Variants in VPS33B observed in about 807,000 individuals in gnomAD.
VPS33B encodes vacuolar protein sorting-associated protein 33B.
VPS33B carries 80 observed loss-of-function variants against 95.3 expected under a neutral mutation model. The ratio of observed to expected loss-of-function variants is 0.84; its 90% CI spans 0.70 to 1.01. VPS33B has a LOEUF of 1.01. Ranked by LOEUF, VPS33B falls within the 50% of genes least tolerant of loss-of-function variation. VPS33B has a pLI of 0.00. For missense variants in VPS33B, 715 were observed against 773.4 expected (o/e 0.92, Z 0.90); for synonymous variants, 280 against 280.4 (o/e 1.00, Z 0.01).
intron 1 of VPS33B, among the ~76,000 whole-genome samples, chr15:91,021,401 C>T (rs1028047733): frequency 3.3e-5 from 5 of 152,108 alleles, no homozygotes; most frequent in African/African-American, 4.8e-5. Flanking sequence ...TTTCTTTCAC[C>T]ATAACTTAAA....
intron 1 of VPS33B, among the ~76,000 whole-genome samples, chr15:91,019,812 T>G (rs1025232517): frequency 1.3e-5 from 2 of 151,568 alleles, no homozygotes; most frequent in Non-Finnish European, 2.9e-5. Context: ...TAATATAATT[T>G]TTTTTTTTTT....
Position 91,022,401 on chromosome 15 carries a change from C to T in VPS33B, c.-152G>A, listed in dbSNP as rs575715228. 7 of 691,842 alleles carry T rather than the reference C, an allele frequency of 1.0e-5. No individual in the cohort carries two copies. Among genetic ancestry groups the T allele is most frequent in the East Asian group, 8.4e-5 (3 of 35,786 alleles). 42.9% of individuals were successfully genotyped at this position (691,842 alleles called of 1,614,324 possible). A position where few individuals can be genotyped will look rare whatever the true frequency, so the allele number is the denominator to read the frequency against. On this transcript the variant is annotated 5_prime_UTR_variant, in exon 1 of 23. Coordinates refer to ENST00000333371, the MANE Select transcript of VPS33B (RefSeq NM_018668.5). ...GGGCCCTCGCTCCTCAGCAGCACTC[C>T]AGGAATGAATGGCCACCTCCAGGCA...
intron 19 of VPS33B, 70 bp downstream of exon 19, chr15:91,001,319 A>G (rs2151664272): frequency 7.8e-7 from 1 of 1,274,368 alleles, no homozygotes; most frequent in Non-Finnish European, 1.1e-6. Flanking sequence ...CAAAAAAAAA[A>G]AAAAAAAAGA....
Position 91,006,959 on chromosome 15 carries a change from A to G in VPS33B, c.691T>C (p.Leu231=), listed in dbSNP as rs1201892902. 2 of 1,614,050 alleles carry G rather than the reference A, an allele frequency of 1.2e-6. No homozygotes were observed. Among genetic ancestry groups the G allele is most frequent in the Non-Finnish European group, 1.7e-6 (2 of 1,180,046 alleles). Residue 231 remains leucine, a synonymous_variant, in exon 9 of 23, where the codon TTG becomes CTG. Transcript: ENST00000333371. The surrounding 1 kb of genome is among the most constrained non-coding windows in gnomAD (Gnocchi z 5.4). The part of the protein sequence containing the change: ...RRPEIGHIFL[L]DRDVDFVTAL... ...GCTGGGCATAATTTACCTCTGTCCA[A>G]GAGAAAGATATGTCCAATCTCTGGC...
Position 91,005,002 on chromosome 15 carries a change from C to T in VPS33B, c.1170+53G>A, listed in dbSNP as rs544077315. ...GTGTTCTTTTCCTTCTGCTTAAGGC[C>T]GACCCCACCTCTAAATGCCATTCTT... On this transcript the variant is annotated intron_variant, in intron 15 of 22. Transcript: ENST00000333371. The surrounding 1 kb of genome is among the most constrained non-coding windows in gnomAD (Gnocchi z 6.4). The T allele has an allele frequency of 1.6e-5, 26 of 1,614,148 alleles. No individual in the cohort carries two copies. Among genetic ancestry groups the T allele is most frequent in the East Asian group, 8.9e-5 (4 of 44,876 alleles).
chr15:91,009,860 G>A lies in VPS33B; in HGVS notation c.358-14C>T, dbSNP rs200844662. 1.9e-6 allele frequency: 3 copies of A among 1,614,046 alleles called. No individual in the cohort carries two copies. The highest frequency in any genetic ancestry group is 2.5e-6 in the Non-Finnish European group (3 of 1,179,944). ...ACACGCATAGAACTGAAAGAGAAAA[G>A]GAAATTGATTAGTAACTACCTTCTT... On this transcript the variant is annotated splice_polypyrimidine_tract_variant and intron_variant, in intron 5 of 22. Coordinates refer to ENST00000333371, the MANE Select transcript of VPS33B (RefSeq NM_018668.5). The surrounding 1 kb of genome is among the most constrained non-coding windows in gnomAD (Gnocchi z 4.1).
At chr15:91,020,146 T>C (rs1364955853) in intron 1 of VPS33B, among the ~76,000 whole-genome samples, 1 of 152,148 alleles carries the variant, frequency 6.6e-6, no homozygotes, top group Non-Finnish European at 1.5e-5. Context: ...ACAGTGTTAG[T>C]AGTGTTTATA....
In VPS33B at chr15:91,009,330, G is replaced by A. The variant is rs960107243; in HGVS notation, c.403+471C>T. The stretch of plus-strand genomic sequence containing the variant: ...TCTTTCTTCCTTCCTTCCTTTCTCT[G>A]AGTCTCACTCTTGTTGCCCAGGCTG... On this transcript the variant is annotated intron_variant, in intron 6 of 22. Transcript: ENST00000333371. This position sits in a 1 kb window ranked among gnomAD's most constrained non-coding sequence, Gnocchi z 4.1. Among the ~76,000 whole-genome samples the A allele has an allele frequency of 2.7e-5, 4 of 147,404 alleles. No homozygotes were observed. The highest frequency in any genetic ancestry group is 1.0e-4 in the African/African-American group (4 of 39,460).
In VPS33B at chr15:91,015,308, C is replaced by T. The variant is rs144718609; in HGVS notation, c.240-875G>A. Among the ~76,000 whole-genome samples, 544 of 151,846 alleles carry T rather than the reference C, an allele frequency of 3.6e-3. 2 individuals are homozygous for T. Among genetic ancestry groups the T allele is most frequent in the African/African-American group, 0.013 (518 of 41,358 alleles). On this transcript the variant is annotated intron_variant, in intron 3 of 22. Coordinates refer to ENST00000333371, the MANE Select transcript of VPS33B (RefSeq NM_018668.5). This position sits in a 1 kb window ranked among gnomAD's most constrained non-coding sequence, Gnocchi z 4.7. ...CCCAGATCGCGCCATTGCTCTCCAG[C>T]CTGGATGACAAGAGCTAAACTCCGT...
rs2040605928 is a variant in VPS33B at position 91,006,418 on chromosome 15, G to A, written c.806C>T (p.Thr269Ile). Residue 269 changes from threonine to isoleucine, a missense_variant, in exon 11 of 23, where the codon ACA (threonine) becomes ATA (isoleucine). Thr to Ile is a moderately conservative substitution (Grantham distance 89, BLOSUM62 -1). Coordinates refer to ENST00000333371, the MANE Select transcript of VPS33B (RefSeq NM_018668.5). This position sits in a 1 kb window ranked among gnomAD's most constrained non-coding sequence, Gnocchi z 5.4. The part of the protein sequence containing the change: ...CGSVDFGPEV[T>I]SSDKSLKVLL... ...CACCTTCAGGCTCTTGTCAGAGGAT[G>A]TGACTTCTGGGCCAAAGTCGACACT... 2 of 1,614,110 alleles carry A rather than the reference G, an allele frequency of 1.2e-6. No homozygotes were observed. The highest frequency in any genetic ancestry group is 2.7e-5 in the African/African-American group (2 of 74,936).
intron 16 of VPS33B, among the ~76,000 whole-genome samples, chr15:91,004,238 A>G (rs947741604): frequency 2.0e-5 from 3 of 147,124 alleles, no homozygotes; most frequent in African/African-American, 7.9e-5. Context: ...AAAAAAAAAG[A>G]AGAAAAAGAA....
Position 90,999,467 on chromosome 15 carries a change from G to T in VPS33B, c.1774+210C>A. ...CCGAGTAGTTAGCATTACAGGCACC[G>T]GCCACCATGCCTGGCTAATTTTTGT... On this transcript the variant is annotated intron_variant, in intron 22 of 22. Coordinates refer to ENST00000333371, the MANE Select transcript of VPS33B (RefSeq NM_018668.5). This position sits in a 1 kb window ranked among gnomAD's most constrained non-coding sequence, Gnocchi z 5.1. 1.6e-6 allele frequency: 1 copy of T among 624,102 alleles called. No homozygotes were observed. Among genetic ancestry groups the T allele is most frequent in the Admixed American group, 2.2e-5 (1 of 46,290 alleles). The allele number at this position is 624,102 out of a possible 1,614,324, so 38.7% of individuals were successfully genotyped here.
rs373355843 is a variant in VPS33B at position 91,004,825 on chromosome 15, T to C, written c.1225+52A>G. On this transcript the variant is annotated intron_variant, in intron 16 of 22. Coordinates refer to ENST00000333371, the MANE Select transcript of VPS33B (RefSeq NM_018668.5). ...CTTTCAAAATCACTTCTTCTGTCCC[T>C]AAGGCATAGTTTCTCAATCTGACAT... The C allele has an allele frequency of 2.5e-4, 407 of 1,603,088 alleles. 1 individual carries two copies. Among genetic ancestry groups the C allele is most frequent in the Non-Finnish European group, 3.3e-4 (384 of 1,170,188 alleles).
chr15:91,003,843 A>C (rs1462925391), intron 16 of VPS33B, among the ~76,000 whole-genome samples: 2 of 152,244 alleles, frequency 1.3e-5, no homozygotes, highest in Non-Finnish European at 2.9e-5. Context: ...GCACGGTCTT[A>C]TATGTTTTTC....
In VPS33B at chr15:91,009,718, G is replaced by C. The variant is rs1218715707; in HGVS notation, c.403+83C>G. 17 of 1,407,014 alleles carry C rather than the reference G, an allele frequency of 1.2e-5. No individual in the cohort carries two copies. In the Admixed American group the frequency reaches 3.2e-4, roughly 26 times the overall value. The allele number at this position is 1,407,014 out of a possible 1,614,324, so 87.2% of individuals were successfully genotyped here. A position where few individuals can be genotyped will look rare whatever the true frequency, so the allele number is the denominator to read the frequency against. ...AAAAGAAGGAGCTGGTGGTGGGGGT[G>C]GGGTGGGGGGGTTGGAGAACAACAA... is the stretch of plus-strand genomic sequence containing the variant. On this transcript the variant is annotated intron_variant, in intron 6 of 22. Transcript: ENST00000333371. This position sits in a 1 kb window ranked among gnomAD's most constrained non-coding sequence, Gnocchi z 4.1.
In VPS33B at chr15:91,010,965, G is replaced by A. The variant is rs2040762688; in HGVS notation, c.358-1119C>T. Among the ~76,000 whole-genome samples the A allele has an allele frequency of 1.3e-5, 2 of 152,198 alleles. No individual in the cohort carries two copies. The highest frequency in any genetic ancestry group is 4.1e-4 in the South Asian group (2 of 4,834). On this transcript the variant is annotated intron_variant, in intron 5 of 22. Transcript: ENST00000333371. This position sits in a 1 kb window ranked among gnomAD's most constrained non-coding sequence, Gnocchi z 5.7. ...ATAGAACATTCTTCACAGAAGCCTG[G>A]CCCTGAAAGAAGGGGGAGCTCTGAA...
Position 91,010,812 on chromosome 15 carries a change from C to T in VPS33B, c.358-966G>A, listed in dbSNP as rs1217275001. Among the ~76,000 whole-genome samples the T allele has an allele frequency of 6.6e-6, 1 of 152,120 alleles. No individual in the cohort carries two copies. Among genetic ancestry groups the T allele is most frequent in the Non-Finnish European group, 1.5e-5 (1 of 68,018 alleles). On this transcript the variant is annotated intron_variant, in intron 5 of 22. Coordinates refer to ENST00000333371, the MANE Select transcript of VPS33B (RefSeq NM_018668.5). This position sits in a 1 kb window ranked among gnomAD's most constrained non-coding sequence, Gnocchi z 5.7. ...GAGAGTTGCAAGGAAGGGTGGGCAACAGTGTCAAATGCCAGGGAAGTTAAG... is the reference window on the plus strand; with the variant it reads ...GAGAGTTGCAAGGAAGGGTGGGCAATAGTGTCAAATGCCAGGGAAGTTAAG...
Position 91,007,188 on chromosome 15 carries a change from T to C in VPS33B, c.604-142A>G. ...TTATTCACAATATGGCCCTATCTAC[T>C]CCCGTCTGTGTCTATCTTTCCCCAA... On this transcript the variant is annotated intron_variant, in intron 8 of 22. Coordinates refer to ENST00000333371, the MANE Select transcript of VPS33B (RefSeq NM_018668.5). This position sits in a 1 kb window ranked among gnomAD's most constrained non-coding sequence, Gnocchi z 5.3. 1 of 890,644 alleles carries C rather than the reference T, an allele frequency of 1.1e-6. No individual in the cohort carries two copies. Among genetic ancestry groups the C allele is most frequent in the South Asian group, 1.4e-5 (1 of 72,968 alleles). The allele number at this position is 890,644 out of a possible 1,614,324, so 55.2% of individuals were successfully genotyped here. A position where few individuals can be genotyped will look rare whatever the true frequency, so the allele number is the denominator to read the frequency against.
chr15:91,004,401 G>A (rs1379134339), intron 16 of VPS33B, among the ~76,000 whole-genome samples: 3 of 152,076 alleles, frequency 2.0e-5, no homozygotes, highest in Non-Finnish European at 1.5e-5. Context: ...CTACTCAGGA[G>A]GCTGAGGCAG....
Sources: allele counts gnomAD v4.1 joint callset (sites outside exome capture counted in the v4.1 genomes callset), GRCh38; gene constraint gnomAD v4.1.1; non-coding constraint Gnocchi (gnomAD v3.1); transcripts MANE v1.5; gene names NCBI Gene and HGNC (gene_info 2026-07-23, HGNC 2026-07-21).